Variants in MCC observed in about 807,000 individuals in gnomAD.
The protein encoded by MCC is colorectal mutant cancer protein.
In MCC, 90 loss-of-function variants were observed where a neutral mutation model predicts 116.2. That is an observed-to-expected ratio of 0.77 (90% CI 0.65 to 0.92). MCC has a LOEUF of 0.92. MCC is among the 40% of genes least tolerant of loss of function. The probability of loss-of-function intolerance (pLI) is 0.00; values close to 1 mark genes in which losing one functional copy is unlikely to be tolerated. For missense variants in MCC, 1,516 were observed against 1,312.2 expected (o/e 1.16, Z -2.40); for synonymous variants, 578 against 510.5 (o/e 1.13, Z -1.78).
intron 2 of MCC, among the ~76,000 whole-genome samples, chr5:113,366,805 T>C (rs1768699694): frequency 6.6e-6 from 1 of 152,170 alleles, no homozygotes; most frequent in African/African-American, 2.4e-5. Flanking sequence ...ATTATTTATT[T>C]ATTTACTTAT....
At chr5:113,398,032 A>C (rs1455476923) in intron 1 of MCC, among the ~76,000 whole-genome samples, 1 of 152,258 alleles carries the variant, frequency 6.6e-6, no homozygotes, top group Non-Finnish European at 1.5e-5. Context: ...AAAGGACATG[A>C]ACAGACACTT....
chr5:113,170,592 G>A (rs533876677), intron 3 of MCC, among the ~76,000 whole-genome samples: 23 of 152,082 alleles, frequency 1.5e-4, no homozygotes, highest in Middle Eastern at 3.4e-3. Context: ...ATTCCTATAA[G>A]TGTTGTTTGT....
intron 5 of MCC, among the ~76,000 whole-genome samples, chr5:113,136,023 C>T (rs1561389395): frequency 6.6e-6 from 1 of 151,894 alleles, no homozygotes; most frequent in African/African-American, 2.4e-5. Context: ...CCAGCCCAGG[C>T]AACAAAGCAA....
chr5:113,453,432 C>A (rs1771455911), intron 1 of MCC, among the ~76,000 whole-genome samples: 1 of 152,134 alleles, frequency 6.6e-6, no homozygotes, highest in Non-Finnish European at 1.5e-5. Context: ...GTGACCAGAG[C>A]CCTCCTGGAG....
chr5:113,179,598 T>C (rs1442969102), intron 3 of MCC, among the ~76,000 whole-genome samples: 2 of 152,230 alleles, frequency 1.3e-5, no homozygotes, highest in Non-Finnish European at 1.5e-5. Context: ...TCAATTTCTA[T>C]TGATTTCTTT....
At chr5:113,090,795 C>A (rs1178534549) in intron 8 of MCC, among the ~76,000 whole-genome samples, 9 of 152,154 alleles carry the variant, frequency 5.9e-5, no homozygotes, top group African/African-American at 2.2e-4. Flanking sequence ...ACAGCTTCAG[C>A]TAAAGTCAAC....
intron 5 of MCC, among the ~76,000 whole-genome samples, chr5:113,126,521 C>T (rs1315299683): frequency 6.6e-6 from 1 of 151,978 alleles, no homozygotes; most frequent in African/African-American, 2.4e-5. Context: ...ATATATTTGA[C>T]AATTTTCTGG....
chr5:113,042,789 T>C (rs955732961), intron 17 of MCC, among the ~76,000 whole-genome samples: 1 of 151,486 alleles, frequency 6.6e-6, no homozygotes, highest in African/African-American at 2.4e-5. Context: ...AAAAAAAAAT[T>C]TCATTAATAG....
chr5:113,434,006 TC>T lies in MCC; in HGVS notation c.171-48795del. The T allele has an allele frequency of 6.2e-7, 1 of 1,613,976 alleles. No homozygotes were observed. Among genetic ancestry groups the T allele is most frequent in the East Asian group, 2.2e-5 (1 of 44,882 alleles). ...CCTTGTTGATGGCCACAGAGGGAGA[TC>T]CCCGTGCCTTGGGCTGCATCCAGCA... On this transcript the variant is annotated intron_variant, in intron 1 of 18. Transcript: ENST00000408903. The surrounding 1 kb of genome is among the most constrained non-coding windows in gnomAD (Gnocchi z 4.2).
intron 2 of MCC, among the ~76,000 whole-genome samples, chr5:113,364,264 GA>G (rs35759225): frequency 5.1e-4 from 52 of 101,942 alleles, no homozygotes; most frequent in African/African-American, 9.3e-4. Context: ...AAAAAAACCA[GA>G]AAAAAAAAAA....
chr5:113,093,529 G>A (rs1266078630), intron 8 of MCC, among the ~76,000 whole-genome samples: 1 of 152,004 alleles, frequency 6.6e-6, no homozygotes, highest in African/African-American at 2.4e-5. Context: ...CAAGCCAGGA[G>A]CATAAGGGAT....
At chr5:113,108,428 G>T (rs1756882458) in intron 6 of MCC, among the ~76,000 whole-genome samples, 1 of 151,124 alleles carries the variant, frequency 6.6e-6, no homozygotes, top group East Asian at 1.9e-4. Flanking sequence ...GCTGAGGCGG[G>T]CAGATCACGA....
intron 5 of MCC, among the ~76,000 whole-genome samples, chr5:113,138,290 C>T (rs181414195): frequency 1.4e-4 from 22 of 152,312 alleles, no homozygotes; most frequent in African/African-American, 5.1e-4. Context: ...GGATTATAGG[C>T]ATGAGCCACC....
chr5:113,266,263 A>AC (rs1765413600), intron 3 of MCC, among the ~76,000 whole-genome samples: 1 of 151,708 alleles, frequency 6.6e-6, no homozygotes, highest in African/African-American at 2.4e-5. Flanking sequence ...ACACACACAC[A>AC]AAACCATTAT....
chr5:113,108,241 G>A (rs1289762914), intron 6 of MCC, among the ~76,000 whole-genome samples: 1 of 146,940 alleles, frequency 6.8e-6, no homozygotes, highest in Non-Finnish European at 1.5e-5. Flanking sequence ...GCTGAGGCAG[G>A]AGAATCACTT....
At chr5:113,257,382 C>A (rs1765054085) in intron 3 of MCC, among the ~76,000 whole-genome samples, 1 of 152,124 alleles carries the variant, frequency 6.6e-6, no homozygotes, top group Non-Finnish European at 1.5e-5. Context: ...AATAATGGGG[C>A]AGACGGAGCA....
chr5:113,454,103 C>G (rs1299437788), intron 1 of MCC, among the ~76,000 whole-genome samples: 1 of 151,800 alleles, frequency 6.6e-6, no homozygotes, highest in African/African-American at 2.4e-5. Context: ...AAGAGCGAAA[C>G]TCTGTCTCAA....
chr5:113,154,244 T>C (rs192887086), intron 3 of MCC, among the ~76,000 whole-genome samples: 1 of 152,350 alleles, frequency 6.6e-6, no homozygotes, highest in South Asian at 2.1e-4. Flanking sequence ...CAGGGTTATT[T>C]TGCTTCCTTG....
chr5:113,264,809 G>A (rs11740443), intron 3 of MCC, among the ~76,000 whole-genome samples: 16,365 of 152,130 alleles, frequency 0.11, 1,396 homozygotes, highest in Admixed American at 0.25. Flanking sequence ...TTGGGAAGTC[G>A]AAGTGGGCAG....
Sources: gnomAD v4.1 joint callset for allele counts (sites outside exome capture counted in the v4.1 genomes callset) on GRCh38, gnomAD v4.1.1 for gene constraint, Gnocchi (gnomAD v3.1) non-coding constraint, MANE v1.5 for transcripts, NCBI Gene and HGNC (gene_info 2026-07-23, HGNC 2026-07-21) for gene names.